MAF: variants seen among roughly 807,000 people sequenced by gnomAD.
MAF encodes transcription factor Maf.
In MAF, 10 loss-of-function variants were observed where a neutral mutation model predicts 22.0. That is an observed-to-expected ratio of 0.45 (90% CI 0.28 to 0.77). The LOEUF (loss-of-function observed/expected upper bound fraction) is 0.77. MAF is among the 30% of genes least tolerant of loss of function. The probability of loss-of-function intolerance (pLI) is 0.12; values close to 1 mark genes in which losing one functional copy is unlikely to be tolerated. For synonymous variants in MAF, 337 were observed against 255.8 expected (o/e 1.32, Z -3.03); for missense variants, 544 against 548.4 (o/e 0.99, Z 0.08).
chr16:79,552,239 T>G, the MAF span, among the ~76,000 whole-genome samples: 1 of 151,738 alleles, frequency 6.6e-6, no homozygotes. Context: ...TTTCAGTCAG[T>G]GTCTTGCTGT....
At chr16:79,501,761 C>T in the MAF span, among the ~76,000 whole-genome samples, 4 of 152,076 alleles carry the variant, frequency 2.6e-5, no homozygotes, top group African/African-American at 7.2e-5. Flanking sequence ...CTTTGAAATC[C>T]CCTTCGGCAC....
At chr16:79,442,440 T>G in the MAF span, among the ~76,000 whole-genome samples, 1 of 152,320 alleles carries the variant, frequency 6.6e-6, no homozygotes, top group East Asian at 1.9e-4. Context: ...AGCCCAGTTG[T>G]GGCTCACTGC....
At chr16:79,565,893 G>C in the MAF span, among the ~76,000 whole-genome samples, 1 of 152,170 alleles carries the variant, frequency 6.6e-6, no homozygotes, top group Non-Finnish European at 1.5e-5. Flanking sequence ...TGAGGAAACT[G>C]AAGTTCAGAA....
chr16:79,579,971 C>T, the MAF span, among the ~76,000 whole-genome samples: 1 of 152,244 alleles, frequency 6.6e-6, no homozygotes, highest in African/African-American at 2.4e-5. Context: ...TCAGCAACAG[C>T]GATGGCATGT....
chr16:79,416,845 G>A, the MAF span, among the ~76,000 whole-genome samples: 1 of 152,180 alleles, frequency 6.6e-6, no homozygotes, highest in Non-Finnish European at 1.5e-5. Flanking sequence ...TGGGTAAAGG[G>A]GAGACAATGA....
chr16:79,376,546 CTTTAAG>C, the MAF span, among the ~76,000 whole-genome samples: 1 of 151,508 alleles, frequency 6.6e-6, no homozygotes, highest in African/African-American at 2.4e-5. Context: ...TTAAATTATA[CTTTAAG>C]TTTTAGTGTA....
At chr16:79,520,833 G>T in the MAF span, among the ~76,000 whole-genome samples, 130 of 152,214 alleles carry the variant, frequency 8.5e-4, no homozygotes, top group African/African-American at 2.7e-3. Flanking sequence ...ATGAACATTG[G>T]CATTGGCAAG....
chr16:79,540,522 C>A, the MAF span, among the ~76,000 whole-genome samples: 6 of 152,132 alleles, frequency 3.9e-5, no homozygotes, highest in Non-Finnish European at 7.3e-5. Flanking sequence ...GGGTCCATCA[C>A]AGGGGCTTCC....
chr16:79,247,477 C>A, the MAF span, among the ~76,000 whole-genome samples: 1 of 152,194 alleles, frequency 6.6e-6, no homozygotes, highest in Non-Finnish European at 1.5e-5. Context: ...TTGAATCCAG[C>A]CTGATTCAGT....
chr16:79,516,946 A>C, the MAF span, among the ~76,000 whole-genome samples: 16 of 152,348 alleles, frequency 1.1e-4, no homozygotes, highest in African/African-American at 3.8e-4. Flanking sequence ...GAAAAGGTTG[A>C]GAACCTCTGA....
the MAF span, chr16:79,211,769 A>G: frequency 1.9e-6 from 3 of 1,614,166 alleles, no homozygotes; most frequent in Non-Finnish European, 2.5e-6. Flanking sequence ...GGCTGATCCA[A>G]GAACGGCTTG....
the MAF span, among the ~76,000 whole-genome samples, chr16:79,282,423 C>A: frequency 1.7e-3 from 258 of 152,222 alleles, 1 homozygote; most frequent in African/African-American, 5.7e-3. Context: ...GTGATGTGGG[C>A]ACTAGGGTAT....
the MAF span, among the ~76,000 whole-genome samples, chr16:79,489,049 T>A: frequency 2.7e-3 from 410 of 152,268 alleles, 1 homozygote; most frequent in Non-Finnish European, 4.6e-3. Flanking sequence ...TGCCTGAAAC[T>A]AGAGAAACGT....
the MAF span, among the ~76,000 whole-genome samples, chr16:79,315,473 C>T: frequency 6.2e-4 from 94 of 152,262 alleles, no homozygotes; most frequent in African/African-American, 2.1e-3. Context: ...CCAATGAGAG[C>T]ATCGTTGAGC....
At chr16:79,509,523 C>A in the MAF span, among the ~76,000 whole-genome samples, 1 of 151,314 alleles carries the variant, frequency 6.6e-6, no homozygotes, top group African/African-American at 2.5e-5. Context: ...TGCTGGGGCT[C>A]TGAGACCAAC....
chr16:79,298,176 A>G, the MAF span, among the ~76,000 whole-genome samples: 3 of 152,244 alleles, frequency 2.0e-5, no homozygotes, highest in Non-Finnish European at 4.4e-5. Context: ...TGTTTGCATA[A>G]CATTCCAGCC....
the MAF span, among the ~76,000 whole-genome samples, chr16:79,297,273 G>A: frequency 6.6e-6 from 1 of 152,226 alleles, no homozygotes; most frequent in African/African-American, 2.4e-5. Flanking sequence ...ACTCTTGATA[G>A]CACTGAAAGC....
chr16:79,488,060 G>T, the MAF span, among the ~76,000 whole-genome samples: 1 of 152,160 alleles, frequency 6.6e-6, no homozygotes, highest in Non-Finnish European at 1.5e-5. Flanking sequence ...AAAAGTAGAA[G>T]TCTCAAGACT....
chr16:79,331,109 C>T, the MAF span, among the ~76,000 whole-genome samples: 1 of 152,170 alleles, frequency 6.6e-6, no homozygotes, highest in Non-Finnish European at 1.5e-5. Flanking sequence ...CTCAGTTTCC[C>T]ATTTATTCCT....
Sources: gnomAD v4.1 joint callset for allele counts (sites outside exome capture counted in the v4.1 genomes callset) on GRCh38, gnomAD v4.1.1 for gene constraint, MANE v1.5 for transcripts, NCBI Gene and HGNC (gene_info 2026-07-23, HGNC 2026-07-21) for gene names.